Variants in ZNF37A observed in about 807,000 individuals in gnomAD.
The protein encoded by ZNF37A is zinc finger protein 37a (KOX 21).
In ZNF37A, 10 loss-of-function variants were observed where a neutral mutation model predicts 12.3. The observed-to-expected ratio is 0.82, with a 90% CI of 0.50 to 1.38. ZNF37A has a LOEUF of 1.38. Among genes scored for constraint, ZNF37A ranks in the 40% most tolerant of loss-of-function variants. The probability of loss-of-function intolerance (pLI) is 0.00; values close to 1 mark genes in which losing one functional copy is unlikely to be tolerated. For synonymous variants in ZNF37A, 207 were observed against 223.0 expected (o/e 0.93, Z 0.64); for missense variants, 580 against 651.2 (o/e 0.89, Z 1.19).
chr10:38,125,389 A>G (rs1004697264), downstream of ZNF37A: 9 of 152,180 alleles, frequency 5.9e-5, no homozygotes, highest in Non-Finnish European at 8.8e-5. Flanking sequence ...AAAAATATGA[A>G]TGGCAAATAA....
intron 7 of ZNF37A, among the ~76,000 whole-genome samples, chr10:38,136,075 A>C (rs1473965806): frequency 6.6e-6 from 1 of 152,208 alleles, no homozygotes; most frequent in African/African-American, 2.4e-5. Flanking sequence ...GAGTGTCTTC[A>C]TTTATATCTC....
chr10:38,122,001 G>A lies in ZNF37A; in HGVS notation c.*3164G>A, dbSNP rs1426025100. 6.6e-6 allele frequency: 1 copy of A among 152,266 alleles called. No homozygotes were observed. The highest frequency in any genetic ancestry group is 1.5e-5 in the Non-Finnish European group (1 of 68,130). 9.4% of individuals were successfully genotyped at this position (152,266 alleles called of 1,614,324 possible). Reference sequence around the variant, plus strand: ...GTCTGTAATTCTAGCATGTTAGAAGGTCAAGGTGGGTGGGTTGCTTGAGCT... The same window carrying A: ...GTCTGTAATTCTAGCATGTTAGAAGATCAAGGTGGGTGGGTTGCTTGAGCT... On this transcript the variant is annotated 3_prime_UTR_variant, in exon 8 of 8. Transcript: ENST00000685332.
downstream of ZNF37A, among the ~76,000 whole-genome samples, chr10:38,128,744 C>G (rs1395838320): frequency 6.6e-6 from 1 of 152,086 alleles, no homozygotes; most frequent in Non-Finnish European, 1.5e-5. Flanking sequence ...ATGAAGTGTT[C>G]TACTCTCATT....
chr10:38,101,927 A>G (rs1286003833), intron 5 of ZNF37A, among the ~76,000 whole-genome samples: 4 of 151,034 alleles, frequency 2.6e-5, no homozygotes, highest in East Asian at 3.9e-4. Flanking sequence ...GGTTCAAACA[A>G]TTCTTCTGCC....
intron 5 of ZNF37A, among the ~76,000 whole-genome samples, chr10:38,113,340 G>A (rs2068981865): frequency 6.7e-6 from 1 of 149,912 alleles, no homozygotes; most frequent in African/African-American, 2.5e-5. Context: ...AGCCTCCCAA[G>A]TAGCTGGGAT....
intron 5 of ZNF37A, among the ~76,000 whole-genome samples, chr10:38,103,405 C>T (rs994100495): frequency 3.3e-5 from 5 of 152,280 alleles, no homozygotes; most frequent in East Asian, 1.9e-4. Flanking sequence ...TTCTACTCTA[C>T]ATTAATATTT....
Position 38,100,292 on chromosome 10 carries a change from ATAACATCTTAT to A in ZNF37A, c.15+3661_15+3671del, listed in dbSNP as rs1372531020. Reference sequence around the variant, plus strand: ...GAAGTTTTGGGCACCATTGTCATTGATAACATCTTATCAGGAGACAGGGTTTTGAGAGCAAC... The same window carrying A: ...GAAGTTTTGGGCACCATTGTCATTGACAGGAGACAGGGTTTTGAGAGCAAC... On this transcript the variant is annotated intron_variant, in intron 5 of 7. Coordinates refer to ENST00000685332, the MANE Select transcript of ZNF37A (RefSeq NM_001324250.3). Among the ~76,000 whole-genome samples, 3 of 152,308 alleles carry A rather than the reference ATAACATCTTAT, an allele frequency of 2.0e-5. No individual in the cohort carries two copies. In the East Asian group the frequency reaches 5.8e-4, roughly 29 times the overall value.
chr10:38,096,560 T>G lies in ZNF37A; in HGVS notation c.-44-14T>G. The G allele has an allele frequency of 6.3e-7, 1 of 1,588,522 alleles. No homozygotes were observed. The highest frequency in any genetic ancestry group is 8.6e-7 in the Non-Finnish European group (1 of 1,166,492). ...GGCAAGTGACATCACTCATGATCTT[T>G]TCTTATTTCTCAGCTACACCCTCAC... On this transcript the variant is annotated splice_polypyrimidine_tract_variant and intron_variant, in intron 4 of 7. Coordinates refer to ENST00000685332, the MANE Select transcript of ZNF37A (RefSeq NM_001324250.3).
chr10:38,096,909 C>G (rs1385248724), intron 5 of ZNF37A, among the ~76,000 whole-genome samples: 1 of 152,166 alleles, frequency 6.6e-6, no homozygotes, highest in Admixed American at 6.5e-5. Flanking sequence ...CTCAGCTATA[C>G]TCATGTATTT....
intron 7 of ZNF37A, among the ~76,000 whole-genome samples, chr10:38,116,166 G>A (rs796225660): frequency 1.3e-5 from 2 of 151,962 alleles, no homozygotes; most frequent in South Asian, 2.1e-4. Context: ...AAAGCTCTCC[G>A]GATAATACTG....
chr10:38,128,922 T>C (rs189808008), downstream of ZNF37A, among the ~76,000 whole-genome samples: 1 of 152,160 alleles, frequency 6.6e-6, no homozygotes, highest in African/African-American at 2.4e-5. Context: ...CCCAGCTAAT[T>C]TTTGTATTTT....
downstream of ZNF37A, chr10:38,124,643 G>A (rs570126854): frequency 2.0e-5 from 3 of 152,152 alleles, no homozygotes; most frequent in South Asian, 6.2e-4. Flanking sequence ...GTTAATATCA[G>A]TTTCCTTTAA....
At chr10:38,140,978 T>C (rs2070174198) in intron 7 of ZNF37A, 1 of 152,206 alleles carries the variant, frequency 6.6e-6, no homozygotes, top group Non-Finnish European at 1.5e-5. Flanking sequence ...AAATAATTTA[T>C]GTAGAAAACA....
intron 7 of ZNF37A, chr10:38,115,530 T>G (rs2136014687): frequency 5.5e-6 from 2 of 361,880 alleles, no homozygotes; most frequent in Non-Finnish European, 9.8e-6. Context: ...CTATATAGTT[T>G]AGCCAGAGAT....
chr10:38,101,806 T>G (rs1199716618), intron 5 of ZNF37A, among the ~76,000 whole-genome samples: 1 of 148,044 alleles, frequency 6.8e-6, no homozygotes, highest in African/African-American at 2.5e-5. Context: ...TGCCAATTTC[T>G]TTTTCCTTTT....
At chr10:38,102,375 A>G (rs2067664288) in intron 5 of ZNF37A, among the ~76,000 whole-genome samples, 2 of 152,128 alleles carry the variant, frequency 1.3e-5, no homozygotes, top group Admixed American at 1.3e-4. Context: ...TGCAATTAAC[A>G]TCTTGAATTT....
At chr10:38,099,577 G>A (rs1449368991) in intron 5 of ZNF37A, among the ~76,000 whole-genome samples, 2 of 152,090 alleles carry the variant, frequency 1.3e-5, no homozygotes, top group African/African-American at 2.4e-5. Context: ...TACTGTGAAC[G>A]TGGGTGTACA....
At chr10:38,131,944 G>C (rs1156643759) in intron 7 of ZNF37A, among the ~76,000 whole-genome samples, 3 of 152,156 alleles carry the variant, frequency 2.0e-5, no homozygotes, top group African/African-American at 7.2e-5. Context: ...TTTCGTCAAT[G>C]GTATAGCAAA....
At chr10:38,112,428 A>T (rs2068766758) in intron 5 of ZNF37A, among the ~76,000 whole-genome samples, 1 of 152,064 alleles carries the variant, frequency 6.6e-6, no homozygotes, top group African/African-American at 2.4e-5. Flanking sequence ...AGTTATTTAT[A>T]TCCTACTGCT....
Sources: allele counts gnomAD v4.1 joint callset (sites outside exome capture counted in the v4.1 genomes callset), GRCh38; gene constraint gnomAD v4.1.1; transcripts MANE v1.5; gene names NCBI Gene and HGNC (gene_info 2026-07-23, HGNC 2026-07-21).